TSPAN13: variants seen among roughly 807,000 people sequenced by gnomAD.
TSPAN13 encodes tetraspanin 13, also known as tetraspanin-13.
In TSPAN13, 18 loss-of-function variants were observed where a neutral mutation model predicts 26.9. The ratio of observed to expected loss-of-function variants is 0.67; its 90% CI spans 0.46 to 0.99. The LOEUF (loss-of-function observed/expected upper bound fraction) is 0.99. Ranked by LOEUF, TSPAN13 falls within the 50% of genes least tolerant of loss-of-function variation. TSPAN13 has a pLI of 0.00. For missense variants in TSPAN13, 201 were observed against 249.6 expected, an observed-to-expected ratio of 0.81 and a Z score of 1.31; for synonymous variants, 116 against 98.4, an observed-to-expected ratio of 1.18 and a Z score of -1.06.
chr7:16,753,876 G>T lies in TSPAN13; in HGVS notation c.-92G>T, dbSNP rs939438707. ...ACGTCTGCGTTGCTGCCCCGCCTGG[G>T]CCAGGCCCCAAAGGCAAGGACAAAG... On this transcript the variant is annotated 5_prime_UTR_variant, in exon 1 of 6. Transcript: ENST00000262067. 3.3e-5 allele frequency: 45 copies of T among 1,381,540 alleles called. No individual in the cohort carries two copies. The highest frequency in any genetic ancestry group is 3.6e-5 in the Non-Finnish European group (36 of 991,658). The allele number at this position is 1,381,540 out of a possible 1,614,324, so 85.6% of individuals were successfully genotyped here. A position where few individuals can be genotyped will look rare whatever the true frequency, so the allele number is the denominator to read the frequency against.
chr7:16,757,299 T>C (rs1364579813), intron 1 of TSPAN13, among the ~76,000 whole-genome samples: 2 of 152,206 alleles, frequency 1.3e-5, no homozygotes, highest in Non-Finnish European at 1.5e-5. Context: ...AAATGACTTA[T>C]TTTTAATAGT....
chr7:16,774,865 A>G (rs1784723125), intron 1 of TSPAN13, among the ~76,000 whole-genome samples: 1 of 152,228 alleles, frequency 6.6e-6, no homozygotes, highest in East Asian at 1.9e-4. Flanking sequence ...ACAAAAAAAT[A>G]TTTTCTATGA....
intron 1 of TSPAN13, among the ~76,000 whole-genome samples, chr7:16,769,747 T>C (rs1412300776): frequency 4.6e-5 from 7 of 152,196 alleles, no homozygotes; most frequent in Non-Finnish European, 8.8e-5. Flanking sequence ...CTCCTCCCAT[T>C]GTTATTTTGT....
At chr7:16,762,565 G>C (rs548233254) in intron 1 of TSPAN13, among the ~76,000 whole-genome samples, 44 of 152,274 alleles carry the variant, frequency 2.9e-4, no homozygotes, top group Admixed American at 5.2e-4. Flanking sequence ...GATCTGATTG[G>C]CTTTAAAACC....
intron 1 of TSPAN13, among the ~76,000 whole-genome samples, chr7:16,761,259 TGAA>T (rs1386085236): frequency 6.6e-6 from 1 of 152,244 alleles, no homozygotes; most frequent in Non-Finnish European, 1.5e-5. Context: ...CTGTGTCATT[TGAA>T]GAATGATCAT....
chr7:16,775,859 C>T (rs983875927), intron 1 of TSPAN13: 11 of 178,150 alleles, frequency 6.2e-5, no homozygotes, highest in Admixed American at 3.6e-4. Flanking sequence ...TATGTTGGAC[C>T]GAGCTTGGCA....
At chr7:16,775,097 A>G (rs1012749218) in intron 1 of TSPAN13, among the ~76,000 whole-genome samples, 5 of 152,124 alleles carry the variant, frequency 3.3e-5, no homozygotes, top group African/African-American at 1.2e-4. Context: ...ATATTTTTTT[A>G]TGTTTTGATT....
Position 16,783,130 on chromosome 7 carries a change from G to T in TSPAN13, c.541-287G>T, listed in dbSNP as rs527831516. Among the ~76,000 whole-genome samples the T allele has an allele frequency of 2.6e-5, 4 of 152,068 alleles. No homozygotes were observed. The South Asian group carries it at 8.3e-4, about 32-fold the overall frequency. On this transcript the variant is annotated intron_variant, in intron 5 of 5. Coordinates refer to ENST00000262067, the MANE Select transcript of TSPAN13 (RefSeq NM_014399.4). The stretch of plus-strand genomic sequence containing the variant: ...TATCTTGAGACCCTTAACCACACCC[G>T]CAAAGTCCCTGTTACTGTGTAAGGT...
intron 5 of TSPAN13, among the ~76,000 whole-genome samples, chr7:16,782,652 G>A (rs1307993493): frequency 6.6e-6 from 1 of 152,148 alleles, no homozygotes; most frequent in Non-Finnish European, 1.5e-5. Context: ...ACCAAGAGAG[G>A]TAGGAATTAT....
Position 16,753,765 on chromosome 7 carries a change from T to A in TSPAN13, c.-203T>A. On this transcript the variant is annotated 5_prime_UTR_variant, in exon 1 of 6. Transcript: ENST00000262067. Reference sequence around the variant, plus strand: ...GCTCGGGCTCCTGCTCCGGCTCAGCTGCGGCGGCCGCAGGTTCCAAAGCGG... The same window carrying A: ...GCTCGGGCTCCTGCTCCGGCTCAGCAGCGGCGGCCGCAGGTTCCAAAGCGG... 1 of 455,564 alleles carries A rather than the reference T, an allele frequency of 2.2e-6. No homozygotes were observed. The highest frequency in any genetic ancestry group is 3.9e-5 in the East Asian group (1 of 25,518). 28.2% of individuals were successfully genotyped at this position (455,564 alleles called of 1,614,324 possible).
At chr7:16,769,640 C>T (rs551960776) in intron 1 of TSPAN13, among the ~76,000 whole-genome samples, 1 of 152,184 alleles carries the variant, frequency 6.6e-6, no homozygotes, top group Non-Finnish European at 1.5e-5. Flanking sequence ...TTTCTAGCAA[C>T]TTTGCTGGTT....
intron 1 of TSPAN13, 135 bp downstream of exon 1, chr7:16,754,165 C>G (rs1784454908): frequency 1.1e-6 from 1 of 893,026 alleles, no homozygotes; most frequent in Non-Finnish European, 1.8e-6. Flanking sequence ...TCTGCGCGCC[C>G]CCGGCCTCAC....
chr7:16,766,419 A>G (rs1438966607), intron 1 of TSPAN13, among the ~76,000 whole-genome samples: 3 of 152,362 alleles, frequency 2.0e-5, no homozygotes, highest in East Asian at 1.9e-4. Flanking sequence ...ATGTGTGTGC[A>G]TATGTGCATC....
At chr7:16,758,424 A>C (rs1469221636) in intron 1 of TSPAN13, among the ~76,000 whole-genome samples, 1 of 152,178 alleles carries the variant, frequency 6.6e-6, no homozygotes, top group Non-Finnish European at 1.5e-5. Flanking sequence ...CTGTGTAAGG[A>C]TAAAATCAGA....
At chr7:16,782,696 C>T (rs1231942317) in intron 5 of TSPAN13, among the ~76,000 whole-genome samples, 1 of 152,116 alleles carries the variant, frequency 6.6e-6, no homozygotes, top group Non-Finnish European at 1.5e-5. Flanking sequence ...AAAATTTATT[C>T]ATTTTAAGAT....
At chr7:16,783,319 G>C in intron 5 of TSPAN13, 98 bp from the exon 6 acceptor site, 1 of 1,183,342 alleles carries the variant, frequency 8.5e-7, no homozygotes, top group Non-Finnish European at 1.2e-6. Flanking sequence ...GATGCAAAGC[G>C]ATTGAGAGGG....
At chr7:16,779,175 C>T (rs1784787347) in intron 5 of TSPAN13, 59 bp downstream of exon 5, 4 of 1,254,242 alleles carry the variant, frequency 3.2e-6, no homozygotes, top group East Asian at 4.7e-5. Context: ...TTTTGCATGA[C>T]AAAGGGCCTT....
chr7:16,765,346 C>T (rs774570148), intron 1 of TSPAN13, among the ~76,000 whole-genome samples: 35 of 151,996 alleles, frequency 2.3e-4, no homozygotes, highest in Non-Finnish European at 4.0e-4. Context: ...TCAAGCAATC[C>T]TCCTTCCTCG....
chr7:16,783,989 G>T lies in TSPAN13; in HGVS notation c.*498G>T. The stretch of plus-strand genomic sequence containing the variant: ...TGGTCTTTTTAGGAAAGATTGTTGT[G>T]GTAAAAAGTGTTAGTATAAAAATGA... On this transcript the variant is annotated 3_prime_UTR_variant, in exon 6 of 6. Transcript: ENST00000262067. 6.5e-6 allele frequency: 1 copy of T among 152,690 alleles called. No homozygotes were observed. Among genetic ancestry groups the T allele is most frequent in the Non-Finnish European group, 1.5e-5 (1 of 68,212 alleles). The allele number at this position is 152,690 out of a possible 1,614,324, so 9.5% of individuals were successfully genotyped here. A position where few individuals can be genotyped will look rare whatever the true frequency, so the allele number is the denominator to read the frequency against.
Sources: allele counts gnomAD v4.1 joint callset (sites outside exome capture counted in the v4.1 genomes callset), GRCh38; gene constraint gnomAD v4.1.1; transcripts MANE v1.5; gene names NCBI Gene and HGNC (gene_info 2026-07-23, HGNC 2026-07-21).